Variants in ABCA12 observed in about 807,000 individuals in gnomAD.
The protein encoded by ABCA12 is ATP binding cassette subfamily A member 12.
A neutral mutation model predicts 293.5 loss-of-function variants in ABCA12; 156 were observed. The observed-to-expected ratio is 0.53, with a 90% CI of 0.47 to 0.61. ABCA12 has a LOEUF of 0.61. ABCA12 is among the 20% of genes least tolerant of loss of function. The pLI, the probability that ABCA12 is intolerant of heterozygous loss-of-function variation, is 0.00. For missense variants in ABCA12, 2,797 were observed against 3,090.2 expected (o/e 0.91, Z 2.25); for synonymous variants, 1,063 against 1,108.0 (o/e 0.96, Z 0.81).
At chr2:215,021,676 CA>C (rs1421190920) in intron 11 of ABCA12, among the ~76,000 whole-genome samples, 2 of 151,984 alleles carry the variant, frequency 1.3e-5, no homozygotes, top group Non-Finnish European at 2.9e-5. Flanking sequence ...ACAGTTTGAC[CA>C]AAATGAAGTA....
Position 214,942,819 on chromosome 2 carries a change from A to G in ABCA12, c.7436+106T>C, listed in dbSNP as rs141872037. ...CTAGCTTCCAAAGATTAGCTTGTCC[A>G]TTCTAGTTTTACTACTTAGGCTGCT... is the stretch of plus-strand genomic sequence containing the variant. On this transcript the variant is annotated intron_variant, in intron 50 of 52. Coordinates refer to ENST00000272895, the MANE Select transcript of ABCA12 (RefSeq NM_173076.3). 1,670 of 919,526 alleles carry G rather than the reference A, an allele frequency of 1.8e-3. 25 individuals carry two copies. The African/African-American group carries it at 0.023, about 13-fold the overall frequency. 57.0% of individuals were successfully genotyped at this position (919,526 alleles called of 1,614,324 possible). A position where few individuals can be genotyped will look rare whatever the true frequency, so the allele number is the denominator to read the frequency against.
intron 2 of ABCA12, among the ~76,000 whole-genome samples, chr2:215,073,003 G>A (rs1701766461): frequency 6.6e-6 from 1 of 152,174 alleles, no homozygotes; most frequent in African/African-American, 2.4e-5. Flanking sequence ...GCTGAGGCAG[G>A]AGAATTGCTT....
chr2:215,123,126 T>C (rs1355277581), intron 1 of ABCA12, among the ~76,000 whole-genome samples: 2 of 152,168 alleles, frequency 1.3e-5, no homozygotes, highest in Non-Finnish European at 2.9e-5. Context: ...TTCTTTTTTA[T>C]GGCTGTGTAG....
rs549411940 is a variant in ABCA12 at position 215,094,288 on chromosome 2, G to A, written c.163+17309C>T. Among the ~76,000 whole-genome samples the A allele has an allele frequency of 8.9e-4, 135 of 152,272 alleles. 2 individuals are homozygous for A. The highest frequency in any genetic ancestry group is 1.4e-3 in the Non-Finnish European group (98 of 68,024). ...CCAAAGGAAGATGGAGTACTTCACT[G>A]CAAAGGCCATCAAAGGGCCTCAGAC... On this transcript the variant is annotated intron_variant, in intron 2 of 52. Transcript: ENST00000272895.
intron 22 of ABCA12, among the ~76,000 whole-genome samples, chr2:214,998,028 A>G (rs1278492093): frequency 1.3e-5 from 2 of 152,152 alleles, no homozygotes; most frequent in African/African-American, 4.8e-5. Context: ...AGTAAGAAAA[A>G]AAAAAGCTCT....
At chr2:214,939,755 G>GC (rs1698336233) in intron 50 of ABCA12, among the ~76,000 whole-genome samples, 2 of 151,628 alleles carry the variant, frequency 1.3e-5, no homozygotes, top group Admixed American at 6.6e-5. Flanking sequence ...TCATGATTTG[G>GC]TTCTGTTTGT....
intron 41 of ABCA12, among the ~76,000 whole-genome samples, chr2:214,957,818 C>G (rs1034235091): frequency 4.6e-5 from 7 of 152,236 alleles, no homozygotes; most frequent in African/African-American, 1.7e-4. Flanking sequence ...GCAGGGGCTA[C>G]TACTTCGCAT....
intron 1 of ABCA12, among the ~76,000 whole-genome samples, chr2:215,132,754 G>A (rs116433896): frequency 8.7e-4 from 132 of 152,108 alleles, no homozygotes; most frequent in Non-Finnish European, 1.7e-3. Flanking sequence ...ATGTTGATAC[G>A]TGAGATTTTG....
chr2:214,947,924 C>T (rs1288805472), intron 47 of ABCA12: 9 of 293,814 alleles, frequency 3.1e-5, no homozygotes, highest in Admixed American at 9.2e-5. Flanking sequence ...GTTACCCCTG[C>T]GTCCTCTTTC....
In ABCA12 at chr2:215,025,738, A is replaced by G. The variant is rs189141015; in HGVS notation, c.1222T>C (p.Ser408Pro). ...TCATAGGAACCATTGCGAAGAAAAGATTTTTTAAATCGTATTGTGGACTGC... is the reference window on the plus strand; with the variant it reads ...TCATAGGAACCATTGCGAAGAAAAGGTTTTTTAAATCGTATTGTGGACTGC... ...LLQSTIRFKK[S>P]FLRNGSYEDY... The change falls in exon 11 of 53, where the codon TCT (serine) becomes CCT (proline). Residue 408 changes from serine (S) to proline (P), a missense_variant. Ser to Pro is a moderately conservative substitution (Grantham distance 74). Around this residue, in one of 3 missense-constraint regions of ABCA12, gnomAD observed 656 missense variants for 638.2 expected, o/e 1.03. Transcript: ENST00000272895. 1,093 of 1,613,092 alleles carry G rather than the reference A, an allele frequency of 6.8e-4. 6 individuals are homozygous for G. In the South Asian group the frequency reaches 8.2e-3, roughly 12 times the overall value.
At chr2:214,959,802 T>C (rs1295565889) in intron 39 of ABCA12, among the ~76,000 whole-genome samples, 1 of 152,180 alleles carries the variant, frequency 6.6e-6, no homozygotes, top group African/African-American at 2.4e-5. Context: ...AAGGCTCTTT[T>C]CTTCCCTTCC....
At chr2:215,040,773 C>T (rs1701083177) in intron 7 of ABCA12, among the ~76,000 whole-genome samples, 1 of 152,144 alleles carries the variant, frequency 6.6e-6, no homozygotes, top group Admixed American at 6.5e-5. Context: ...GATCATACCA[C>T]TGCACTCCAG....
intron 2 of ABCA12, among the ~76,000 whole-genome samples, chr2:215,103,601 A>C (rs1326941051): frequency 6.6e-6 from 1 of 152,056 alleles, no homozygotes; most frequent in African/African-American, 2.4e-5. Flanking sequence ...TCTGAGCCTC[A>C]GTTTCCTCAT....
intron 3 of ABCA12, among the ~76,000 whole-genome samples, chr2:215,058,428 C>A (rs541642806): frequency 2.0e-5 from 3 of 152,104 alleles, no homozygotes; most frequent in African/African-American, 7.2e-5. Flanking sequence ...TTTCCAGTCC[C>A]CATGACCAAA....
chr2:215,105,441 C>T (rs1157969369), intron 2 of ABCA12, among the ~76,000 whole-genome samples: 3 of 152,008 alleles, frequency 2.0e-5, no homozygotes, highest in African/African-American at 7.2e-5. Flanking sequence ...ACAGAATGAA[C>T]ACAAAGTTGG....
In ABCA12 at chr2:214,999,803, A is replaced by G. The variant is rs936782559; in HGVS notation, c.3179+902T>C. 3.0e-6 allele frequency: 3 copies of G among 984,590 alleles called. No homozygotes were observed. In the African/African-American group the frequency reaches 5.2e-5, roughly 17 times the overall value. The allele number at this position is 984,590 out of a possible 1,614,324, so 61.0% of individuals were successfully genotyped here. A position where few individuals can be genotyped will look rare whatever the true frequency, so the allele number is the denominator to read the frequency against. ...GACTCCTTACCTGCTTCCTCATGCTACTGTTGCACTGGGTTACATTACCTC... is the reference window on the plus strand; with the variant it reads ...GACTCCTTACCTGCTTCCTCATGCTGCTGTTGCACTGGGTTACATTACCTC... On this transcript the variant is annotated intron_variant, in intron 22 of 52. Coordinates refer to ENST00000272895, the MANE Select transcript of ABCA12 (RefSeq NM_173076.3).
At chr2:215,047,629 A>T (rs1485763783) in intron 6 of ABCA12, among the ~76,000 whole-genome samples, 1 of 152,092 alleles carries the variant, frequency 6.6e-6, no homozygotes, top group East Asian at 1.9e-4. Context: ...CAACTCAATT[A>T]AAAAATATAC....
intron 5 of ABCA12, among the ~76,000 whole-genome samples, chr2:215,050,300 A>T (rs970978696): frequency 2.0e-5 from 3 of 152,016 alleles, no homozygotes; most frequent in Non-Finnish European, 2.9e-5. Flanking sequence ...ACAAATATAG[A>T]TTGCTTCATT....
intron 1 of ABCA12, among the ~76,000 whole-genome samples, chr2:215,122,317 T>C (rs1371559143): frequency 1.3e-5 from 2 of 152,154 alleles, no homozygotes; most frequent in Admixed American, 6.5e-5. Flanking sequence ...ATGATACCAA[T>C]TCAGAAGAGA....
Sources: allele counts gnomAD v4.1 joint callset (sites outside exome capture counted in the v4.1 genomes callset), GRCh38; gene constraint gnomAD v4.1.1; regional missense constraint gnomAD v4.1.1; transcripts MANE v1.5; gene names NCBI Gene and HGNC (gene_info 2026-07-23, HGNC 2026-07-21).